INPP5A: variants seen among roughly 807,000 people sequenced by gnomAD.
INPP5A encodes 43 kDa inositol polyphosphate 5-phophatase.
In INPP5A, 14 loss-of-function variants were observed where a neutral mutation model predicts 65.2. The observed-to-expected ratio is 0.21, with a 90% CI of 0.14 to 0.34. INPP5A has a LOEUF of 0.34. Among genes scored for constraint, INPP5A ranks in the 10% least tolerant of loss-of-function variants. The pLI, the probability that INPP5A is intolerant of heterozygous loss-of-function variation, is 1.00. For synonymous variants in INPP5A, 207 were observed against 208.3 expected (o/e 0.99, Z 0.05); for missense variants, 431 against 545.6 (o/e 0.79, Z 2.09).
chr10:132,590,560 C>T (rs968892216), intron 1 of INPP5A, among the ~76,000 whole-genome samples: 1 of 152,130 alleles, frequency 6.6e-6, no homozygotes. Flanking sequence ...GAGGATGTTC[C>T]GACCACCATG....
intron 1 of INPP5A, among the ~76,000 whole-genome samples, chr10:132,570,208 A>G (rs770269665): frequency 6.6e-6 from 1 of 152,164 alleles, no homozygotes; most frequent in Non-Finnish European, 1.5e-5. Context: ...CAGCCTCCCA[A>G]AGTGCTGGGA....
intron 2 of INPP5A, among the ~76,000 whole-genome samples, chr10:132,614,407 C>T (rs2072002591): frequency 6.6e-6 from 1 of 152,188 alleles, no homozygotes; most frequent in African/African-American, 2.4e-5. Flanking sequence ...TCAGAGGTTG[C>T]AGTGAGCCGA....
In INPP5A at chr10:132,545,945, C is replaced by T. The variant is rs1342980017; in HGVS notation, c.75+7774C>T. On this transcript the variant is annotated intron_variant, in intron 1 of 15. Transcript: ENST00000368594. This position sits in a 1 kb window ranked among gnomAD's most constrained non-coding sequence, Gnocchi z 4.6. ...AGTGTGGATGGCACCTGCACTGTGT[C>T]CACTCTTTAGGCTCTAATGTTCATG... is the stretch of plus-strand genomic sequence containing the variant. Among the ~76,000 whole-genome samples, 4 of 152,228 alleles carry T rather than the reference C, an allele frequency of 2.6e-5. 1 individual carries two copies. Among genetic ancestry groups the T allele is most frequent in the African/African-American group, 9.6e-5 (4 of 41,460 alleles).
At chr10:132,626,313 C>T (rs2072183385) in intron 2 of INPP5A, among the ~76,000 whole-genome samples, 3 of 152,362 alleles carry the variant, frequency 2.0e-5, no homozygotes, top group Middle Eastern at 6.8e-3. Context: ...CATGTGGACA[C>T]GCAGGCTTCC....
intron 2 of INPP5A, among the ~76,000 whole-genome samples, chr10:132,612,025 G>A (rs1219602272): frequency 2.2e-5 from 3 of 135,236 alleles, no homozygotes; most frequent in African/African-American, 8.6e-5. Flanking sequence ...TAGGGGAGAG[G>A]CCCTGTCAAG....
At chr10:132,716,890 C>G (rs916523966) in intron 8 of INPP5A, among the ~76,000 whole-genome samples, 3 of 152,232 alleles carry the variant, frequency 2.0e-5, no homozygotes, top group Non-Finnish European at 4.4e-5. Context: ...ACGGGGCTCC[C>G]CGCACGACTC....
At position 132,575,775 on chromosome 10, in the gene INPP5A, C is replaced by T. The variant is rs112640578; in HGVS notation, c.76-32140C>T. 3.3e-5 allele frequency among the ~76,000 whole-genome samples: 5 copies of T among 152,128 alleles called. No individual in the cohort carries two copies. The highest frequency in any genetic ancestry group is 1.2e-4 in the African/African-American group (5 of 41,426). The stretch of plus-strand genomic sequence containing the variant: ...GCCGTGGGCTCCCGCGTGGTGTGTG[C>T]GGCCCAGGGCCCTGGCAGTGGGGAG... On this transcript the variant is annotated intron_variant, in intron 1 of 15. Coordinates refer to ENST00000368594, the MANE Select transcript of INPP5A (RefSeq NM_005539.5). The surrounding 1 kb of genome is among the most constrained non-coding windows in gnomAD (Gnocchi z 5.4).
Position 132,699,429 on chromosome 10 carries a change from T to A in INPP5A, c.474+1510T>A, listed in dbSNP as rs556171175. On this transcript the variant is annotated intron_variant, in intron 6 of 15. Transcript: ENST00000368594. ...ATGGCATGAGGAGAGCAGCTGTGGG[T>A]GGCTGGGCTGGTCCAGGCAGAGGCT... Among the ~76,000 whole-genome samples the A allele has an allele frequency of 1.7e-3, 251 of 151,672 alleles. 1 individual carries two copies. The highest frequency in any genetic ancestry group is 3.4e-3 in the Middle Eastern group (1 of 294).
chr10:132,711,781 A>C lies in INPP5A; in HGVS notation c.647+1325A>C, dbSNP rs1283920436. ...AGAATAACTGAGTCATTCCCAGGCC[A>C]CCACTGTCCCTGGGGCAGTCACAAC... is the stretch of plus-strand genomic sequence containing the variant. On this transcript the variant is annotated intron_variant, in intron 8 of 15. Coordinates refer to ENST00000368594, the MANE Select transcript of INPP5A (RefSeq NM_005539.5). Among the ~76,000 whole-genome samples, 8 of 152,292 alleles carry C rather than the reference A, an allele frequency of 5.3e-5. No homozygotes were observed. The East Asian group carries it at 7.7e-4, about 15-fold the overall frequency.
At chr10:132,749,975 C>A in intron 11 of INPP5A, 130 bp downstream of exon 11, 1 of 836,148 alleles carries the variant, frequency 1.2e-6, no homozygotes, top group Non-Finnish European at 2.0e-6. Flanking sequence ...AGTTCTGAGC[C>A]AGTGCAAGTC....
chr10:132,677,596 C>T (rs998509893), intron 4 of INPP5A, among the ~76,000 whole-genome samples: 1 of 152,220 alleles, frequency 6.6e-6, no homozygotes, highest in Non-Finnish European at 1.5e-5. Flanking sequence ...AGAAGCCTGC[C>T]GCAGGCTGTT....
intron 4 of INPP5A, among the ~76,000 whole-genome samples, chr10:132,682,382 C>T (rs1191800979): frequency 1.3e-5 from 2 of 152,214 alleles, no homozygotes; most frequent in African/African-American, 4.8e-5. Context: ...AAGGTGGGTA[C>T]GATGGTCAAG....
At chr10:132,771,036 C>T (rs1178807983) in intron 12 of INPP5A, among the ~76,000 whole-genome samples, 2 of 152,258 alleles carry the variant, frequency 1.3e-5, no homozygotes, top group Non-Finnish European at 2.9e-5. Context: ...AAGAGGCAGG[C>T]TCGTCCGCCC....
chr10:132,631,403 G>C (rs961910024), intron 2 of INPP5A, among the ~76,000 whole-genome samples: 2 of 152,228 alleles, frequency 1.3e-5, no homozygotes, highest in African/African-American at 4.8e-5. Context: ...CCAGGGCAAG[G>C]GTGGGCAGCG....
At chr10:132,622,284 A>G (rs34851922) in intron 2 of INPP5A, among the ~76,000 whole-genome samples, 49 of 150,222 alleles carry the variant, frequency 3.3e-4, no homozygotes, top group African/African-American at 9.9e-4. Flanking sequence ...ACTCAGTTAC[A>G]CTGACATGTT....
rs2070870039 is a variant in INPP5A at position 132,538,484 on chromosome 10, C to T, written c.75+313C>T. Among the ~76,000 whole-genome samples, 1 of 152,142 alleles carries T rather than the reference C, an allele frequency of 6.6e-6. No individual in the cohort carries two copies. Among genetic ancestry groups the T allele is most frequent in the Admixed American group, 6.5e-5 (1 of 15,276 alleles). The stretch of plus-strand genomic sequence containing the variant: ...TGAACTCCTGTCTGCAAATCCTGAC[C>T]TCGAAACTCCAATATTAAAACCCTG... On this transcript the variant is annotated intron_variant, in intron 1 of 15. Coordinates refer to ENST00000368594, the MANE Select transcript of INPP5A (RefSeq NM_005539.5). The surrounding 1 kb of genome is among the most constrained non-coding windows in gnomAD (Gnocchi z 4.1).
At position 132,565,784 on chromosome 10, in the gene INPP5A, C is replaced by T. The variant is rs112803283; in HGVS notation, c.75+27613C>T. On this transcript the variant is annotated intron_variant, in intron 1 of 15. Transcript: ENST00000368594. Reference sequence around the variant, plus strand: ...CTCCGTGCATGTGTGTATGTGAATGCGTGTGAGTATGTGTGTGTGGGTCTC... The same window carrying T: ...CTCCGTGCATGTGTGTATGTGAATGTGTGTGAGTATGTGTGTGTGGGTCTC... 3.6e-3 allele frequency among the ~76,000 whole-genome samples: 490 copies of T among 135,622 alleles called. 1 individual carries two copies. The highest frequency in any genetic ancestry group is 0.012 in the African/African-American group (424 of 36,150). 89.0% of individuals were successfully genotyped at this position (135,622 alleles called of 152,430 possible). A position where few individuals can be genotyped will look rare whatever the true frequency, so the allele number is the denominator to read the frequency against.
intron 4 of INPP5A, among the ~76,000 whole-genome samples, chr10:132,673,762 C>G (rs2072925639): frequency 6.6e-6 from 1 of 152,224 alleles, no homozygotes; most frequent in African/African-American, 2.4e-5. Context: ...AAGTAAGTGT[C>G]TATTCCAGTG....
chr10:132,568,213 A>T (rs1159799548), intron 1 of INPP5A, among the ~76,000 whole-genome samples: 1 of 149,328 alleles, frequency 6.7e-6, no homozygotes, highest in Non-Finnish European at 1.5e-5. Flanking sequence ...AAAAAAAAAA[A>T]TTGGCTGAAA....
Sources: allele counts gnomAD v4.1 joint callset (sites outside exome capture counted in the v4.1 genomes callset), GRCh38; gene constraint gnomAD v4.1.1; non-coding constraint Gnocchi (gnomAD v3.1); transcripts MANE v1.5; gene names NCBI Gene and HGNC (gene_info 2026-07-23, HGNC 2026-07-21).